The following MICAL3 variants were observed in gnomAD, a reference collection of about 807,000 sequenced individuals.
MICAL3 encodes the protein [F-actin]-monooxygenase MICAL3.
MICAL3 carries 62 observed loss-of-function variants against 207.4 expected under a neutral mutation model. The observed-to-expected ratio is 0.30, with a 90% CI of 0.24 to 0.37. The LOEUF (loss-of-function observed/expected upper bound fraction) is 0.37. MICAL3 is among the 10% of genes least tolerant of loss of function. The pLI is 1.00. For missense variants in MICAL3, 2,368 were observed against 2,635.6 expected (o/e 0.90, Z 2.22); for synonymous variants, 1,077 against 1,069.3 (o/e 1.01, Z -0.14).
intron 19 of MICAL3, among the ~76,000 whole-genome samples, chr22:17,856,084 C>T (rs1925854213): frequency 6.6e-6 from 1 of 152,240 alleles, no homozygotes; most frequent in Non-Finnish European, 1.5e-5. Context: ...AGCATCTGCT[C>T]AGGGCCTGTG....
In MICAL3 at chr22:17,817,389, TGTC is replaced by T. The variant is rs776837291; in HGVS notation, c.5269_5271del (p.Asp1757del). The T allele has an allele frequency of 4.6e-5, 74 of 1,612,924 alleles. No homozygotes were observed. Among genetic ancestry groups the T allele is most frequent in the Non-Finnish European group, 6.2e-5 (73 of 1,179,806 alleles). On this transcript the variant is annotated inframe_deletion, in exon 26 of 32. Coordinates refer to ENST00000441493, the MANE Select transcript of MICAL3 (RefSeq NM_015241.3). ...CTGGAGGGGGTGCTGGGGCAGGACT[TGTC>T]GTCGGCCTTCTTCTTCTTGTCCTTC...
intron 29 of MICAL3, among the ~76,000 whole-genome samples, chr22:17,802,365 A>T (rs1369216914): frequency 6.6e-6 from 1 of 152,206 alleles, no homozygotes; most frequent in Admixed American, 6.5e-5. Flanking sequence ...TCACACAGTG[A>T]AATTCACTTA....
At chr22:17,806,152 G>C (rs1252847848) in intron 29 of MICAL3, among the ~76,000 whole-genome samples, 1 of 152,236 alleles carries the variant, frequency 6.6e-6, no homozygotes, top group Non-Finnish European at 1.5e-5. Flanking sequence ...CTGTGTGTAA[G>C]TGGCTGAACT....
chr22:17,908,646 C>T (rs1931917383), intron 1 of MICAL3, among the ~76,000 whole-genome samples: 1 of 152,220 alleles, frequency 6.6e-6, no homozygotes, highest in African/African-American at 2.4e-5. Context: ...GAGAAATCCA[C>T]ATGCCCACAG....
intron 1 of MICAL3, among the ~76,000 whole-genome samples, chr22:18,018,879 T>C (rs2146515013): frequency 6.6e-6 from 1 of 152,218 alleles, no homozygotes; most frequent in East Asian, 1.9e-4. Context: ...CTCTGGTATT[T>C]TCTATTCTTT....
chr22:17,862,339 C>G, intron 19 of MICAL3: 1 of 774,130 alleles, frequency 1.3e-6, no homozygotes, highest in Non-Finnish European at 1.6e-6. Context: ...ACTGCAACCT[C>G]TGCCTCCTGG....
Position 17,841,047 on chromosome 22 carries a change from C to T in MICAL3, c.2801+775G>A, listed in dbSNP as rs972903734. The T allele has an allele frequency of 6.6e-6, 1 of 152,302 alleles. No individual in the cohort carries two copies. The highest frequency in any genetic ancestry group is 1.5e-5 in the Non-Finnish European group (1 of 68,102). 9.4% of individuals were successfully genotyped at this position (152,302 alleles called of 1,614,324 possible). On this transcript the variant is annotated intron_variant, in intron 20 of 31. Transcript: ENST00000441493. This position sits in a 1 kb window ranked among gnomAD's most constrained non-coding sequence, Gnocchi z 4.2. ...TCTCCTTATCCCCACATGTTCCCTT[C>T]ATCATGGCTAAATCAAGGTGTGTGA... is the stretch of plus-strand genomic sequence containing the variant.
intron 11 of MICAL3, among the ~76,000 whole-genome samples, 198 bp downstream of exon 11, chr22:17,893,610 C>A (rs1253931821): frequency 6.6e-6 from 1 of 152,130 alleles, no homozygotes; most frequent in African/African-American, 2.4e-5. Context: ...TCCTGCCCAC[C>A]CCCAATCATG....
At chr22:17,877,076 AGTTATGGAG>A (rs1928647351) in intron 16 of MICAL3, among the ~76,000 whole-genome samples, 5 of 17,996 alleles carry the variant, frequency 2.8e-4, no homozygotes, top group Admixed American at 1.6e-3. Context: ...AGGTTAGGGA[AGTTATGGAG>A]GTTATGGAGG....
At chr22:17,974,977 G>C (rs1935573532) in intron 1 of MICAL3, among the ~76,000 whole-genome samples, 1 of 152,156 alleles carries the variant, frequency 6.6e-6, no homozygotes, top group African/African-American at 2.4e-5. Flanking sequence ...GCTGGGCCCA[G>C]GCAGCTGGAC....
At chr22:17,801,413 A>G (rs2061938064) in intron 29 of MICAL3, among the ~76,000 whole-genome samples, 1 of 144,208 alleles carries the variant, frequency 6.9e-6, no homozygotes, top group Non-Finnish European at 1.5e-5. Flanking sequence ...TCGGCCTCCC[A>G]AAGTGCTGGG....
chr22:17,890,036 A>C (rs1408603586), intron 12 of MICAL3, among the ~76,000 whole-genome samples: 1 of 152,124 alleles, frequency 6.6e-6, no homozygotes, highest in Non-Finnish European at 1.5e-5. Context: ...AAATTCCAAA[A>C]TCCTCCTCAA....
At chr22:17,861,925 G>A (rs1926561648) in intron 19 of MICAL3, 2 of 985,268 alleles carry the variant, frequency 2.0e-6, no homozygotes, top group African/African-American at 1.7e-5. Flanking sequence ...GGGTGTGGGT[G>A]TGTTTTTTTG....
chr22:17,848,373 G>T (rs1378086210), intron 19 of MICAL3, among the ~76,000 whole-genome samples: 1 of 152,232 alleles, frequency 6.6e-6, no homozygotes, highest in East Asian at 1.9e-4. Flanking sequence ...GGGAAACGGG[G>T]ATGACACCAC....
intron 1 of MICAL3, among the ~76,000 whole-genome samples, chr22:17,941,860 C>G (rs992561007): frequency 2.6e-5 from 4 of 152,132 alleles, no homozygotes; most frequent in African/African-American, 9.7e-5. Flanking sequence ...CCTCCCACCC[C>G]CATTCTAAAG....
chr22:17,968,317 T>A (rs1245909926), intron 1 of MICAL3, among the ~76,000 whole-genome samples: 1 of 151,984 alleles, frequency 6.6e-6, no homozygotes, highest in Non-Finnish European at 1.5e-5. Flanking sequence ...TTGCCAGAGC[T>A]CAGACCCGCC....
chr22:17,826,826 G>A (rs1431482568), intron 22 of MICAL3, among the ~76,000 whole-genome samples: 1 of 152,246 alleles, frequency 6.6e-6, no homozygotes, highest in East Asian at 1.9e-4. Context: ...CGGAAACGGA[G>A]GTTGGTCTTG....
In MICAL3 at chr22:17,791,210, C is replaced by A. The variant is rs115182420; in HGVS notation, c.5742G>T (p.Leu1914=). 1,981 of 1,613,734 alleles carry A rather than the reference C, an allele frequency of 1.2e-3. 26 individuals are homozygous for A. The African/African-American group carries it at 0.021, about 17-fold the overall frequency. ...TACCCAAGGCCACTCACAAGATCATCAGCTCCGACTCGTAGCGCACCATGG... is the reference window on the plus strand; with the variant it reads ...TACCCAAGGCCACTCACAAGATCATAAGCTCCGACTCGTAGCGCACCATGG... ...KNAMVRYESE[L]MIFARELELE... The change falls in exon 30 of 32, where the codon CTG becomes CTT. Residue 1914 remains leucine, a synonymous_variant. Transcript: ENST00000441493.
intron 1 of MICAL3, among the ~76,000 whole-genome samples, chr22:17,950,421 C>CA (rs58545739): frequency 0.24 from 34,509 of 146,442 alleles, 4,603 homozygotes; most frequent in East Asian, 0.52. Context: ...TTCACTGCAA[C>CA]CTCCGCCTCC....
Sources: allele counts gnomAD v4.1 joint callset (sites outside exome capture counted in the v4.1 genomes callset), GRCh38; gene constraint gnomAD v4.1.1; non-coding constraint Gnocchi (gnomAD v3.1); transcripts MANE v1.5; gene names NCBI Gene and HGNC (gene_info 2026-07-23, HGNC 2026-07-21).